The following GPD1L variants were observed in gnomAD, a reference collection of about 807,000 sequenced individuals.
The protein encoded by GPD1L is glycerol-3-phosphate dehydrogenase 1-like protein.
GPD1L carries 17 observed loss-of-function variants against 32.9 expected under a neutral mutation model. The ratio of observed to expected loss-of-function variants is 0.52; its 90% confidence interval spans 0.35 to 0.78. The LOEUF is 0.78. Among genes scored for constraint, GPD1L ranks in the 30% least tolerant of loss-of-function variants. The pLI is 0.01. For missense variants in GPD1L, 361 were observed against 447.8 expected (o/e 0.81, Z 1.75); for synonymous variants, 187 against 165.9 (o/e 1.13, Z -0.98).
At chr3:32,129,187 A>G (rs1344834678) in intron 2 of GPD1L, among the ~76,000 whole-genome samples, 1 of 152,126 alleles carries the variant, frequency 6.6e-6, no homozygotes, top group Non-Finnish European at 1.5e-5. Context: ...TCTGATTCCT[A>G]TGGTTAACCC....
chr3:32,148,998 G>A (rs752773792), intron 5 of GPD1L, among the ~76,000 whole-genome samples: 5 of 152,180 alleles, frequency 3.3e-5, no homozygotes, highest in Non-Finnish European at 5.9e-5. Context: ...GTACCTATGT[G>A]TATGGGTCCT....
At chr3:32,137,677 T>A (rs779848742) in intron 2 of GPD1L, among the ~76,000 whole-genome samples, 10 of 152,200 alleles carry the variant, frequency 6.6e-5, no homozygotes, top group Non-Finnish European at 1.2e-4. Flanking sequence ...GCAAGAAGCC[T>A]TTGCCAGAGA....
At chr3:32,155,197 G>A (rs959360860) in intron 5 of GPD1L, among the ~76,000 whole-genome samples, 1 of 152,146 alleles carries the variant, frequency 6.6e-6, no homozygotes, top group African/African-American at 2.4e-5. Flanking sequence ...GGGCTGCAAA[G>A]CCAGGCACCA....
chr3:32,158,773 A>T, intron 5 of GPD1L, 103 bp from the exon 6 acceptor site: 1 of 1,546,154 alleles, frequency 6.5e-7, no homozygotes, highest in Non-Finnish European at 8.7e-7. Flanking sequence ...GATGGAGCCA[A>T]TGTCCCTGGT....
intron 4 of GPD1L, among the ~76,000 whole-genome samples, chr3:32,144,429 C>T (rs573841327): frequency 6.6e-6 from 1 of 152,328 alleles, no homozygotes; most frequent in African/African-American, 2.4e-5. Flanking sequence ...GTCTAGAATA[C>T]ATAAGCTCCT....
At chr3:32,162,612 C>T (rs1316704995) in intron 7 of GPD1L, among the ~76,000 whole-genome samples, 1 of 57,972 alleles carries the variant, frequency 1.7e-5, no homozygotes. Flanking sequence ...GTCTCGATCT[C>T]CTGACCTCAT....
intron 1 of GPD1L, among the ~76,000 whole-genome samples, chr3:32,108,027 G>A (rs1700189452): frequency 6.6e-6 from 1 of 152,134 alleles, no homozygotes; most frequent in Non-Finnish European, 1.5e-5. Flanking sequence ...GGGATTACAG[G>A]TGTGAGCCAC....
Position 32,166,251 on chromosome 3 carries a change from G to T in GPD1L, c.*341G>T. The T allele has an allele frequency of 8.8e-6, 3 of 342,270 alleles. No individual in the cohort carries two copies. Among genetic ancestry groups the T allele is most frequent in the Non-Finnish European group, 1.1e-5 (2 of 180,618 alleles). The allele number at this position is 342,270 out of a possible 1,614,324, so 21.2% of individuals were successfully genotyped here. A position where few individuals can be genotyped will look rare whatever the true frequency, so the allele number is the denominator to read the frequency against. ...GGAACGATCTCAGCCAAATATTTTA[G>T]GTGTAATTCATATGTATTTGAGTGG... On this transcript the variant is annotated 3_prime_UTR_variant, in exon 8 of 8. Transcript: ENST00000282541.
intron 4 of GPD1L, among the ~76,000 whole-genome samples, chr3:32,145,414 G>T (rs1054131206): frequency 2.0e-5 from 3 of 152,166 alleles, no homozygotes; most frequent in African/African-American, 7.2e-5. Context: ...TATAAATCAA[G>T]CCCACCTCTT....
intron 5 of GPD1L, 138 bp downstream of exon 5, chr3:32,146,872 T>G: frequency 1.4e-6 from 1 of 714,320 alleles, no homozygotes; most frequent in South Asian, 1.5e-5. Flanking sequence ...TGTTTATAAC[T>G]TCCTGTTTTG....
intron 5 of GPD1L, among the ~76,000 whole-genome samples, chr3:32,157,267 A>G (rs368155019): frequency 6.8e-6 from 1 of 148,066 alleles, no homozygotes; most frequent in Middle Eastern, 3.4e-3. Flanking sequence ...TTTTTTTGAG[A>G]CAGAGTCTCG....
At chr3:32,118,333 G>A (rs1009119062) in intron 1 of GPD1L, among the ~76,000 whole-genome samples, 1 of 152,206 alleles carries the variant, frequency 6.6e-6, no homozygotes, top group African/African-American at 2.4e-5. Context: ...TGCAACAAAT[G>A]TTTGTTGTGC....
At chr3:32,141,477 CAG>C (rs1489099492) in intron 4 of GPD1L, among the ~76,000 whole-genome samples, 3 of 152,150 alleles carry the variant, frequency 2.0e-5, no homozygotes, top group Non-Finnish European at 4.4e-5. Context: ...AAAAACCTTT[CAG>C]AGTCTGTTAA....
chr3:32,125,366 G>C (rs1441869693), intron 1 of GPD1L, among the ~76,000 whole-genome samples: 3 of 152,234 alleles, frequency 2.0e-5, no homozygotes, highest in Non-Finnish European at 1.5e-5. Flanking sequence ...TGGATCAGCT[G>C]GTCAGGCTCA....
Position 32,127,510 on chromosome 3 carries a change from A to G in GPD1L, c.48-566A>G, listed in dbSNP as rs148272907. ...GCCTGTGGGAGACTGAGCCGTCACTAGAACATGTTTGCTAAATAGAGATGC... is the reference window on the plus strand; with the variant it reads ...GCCTGTGGGAGACTGAGCCGTCACTGGAACATGTTTGCTAAATAGAGATGC... On this transcript the variant is annotated intron_variant, in intron 1 of 7. Coordinates refer to ENST00000282541, the MANE Select transcript of GPD1L (RefSeq NM_015141.4). Among the ~76,000 whole-genome samples the G allele has an allele frequency of 5.3e-5, 8 of 152,344 alleles. No homozygotes were observed. In the East Asian group the frequency reaches 1.3e-3, roughly 26 times the overall value.
intron 1 of GPD1L, among the ~76,000 whole-genome samples, chr3:32,114,749 G>T (rs1369639442): frequency 6.6e-6 from 1 of 152,156 alleles, no homozygotes; most frequent in African/African-American, 2.4e-5. Context: ...TTCAGAGTTT[G>T]TTCCTTCAGA....
At chr3:32,154,778 C>T (rs1700964600) in intron 5 of GPD1L, among the ~76,000 whole-genome samples, 4 of 151,068 alleles carry the variant, frequency 2.6e-5, no homozygotes, top group Admixed American at 2.6e-4. Context: ...GAGACAGGCT[C>T]ACTCTGTCAC....
chr3:32,113,851 C>T (rs9854295), intron 1 of GPD1L, among the ~76,000 whole-genome samples: 62,703 of 151,912 alleles, frequency 0.41, 14,696 homozygotes, highest in East Asian at 0.64. Flanking sequence ...CACTCTCACC[C>T]ACCTTTTTTT....
At chr3:32,161,085 G>A (rs1260569786) in intron 7 of GPD1L, among the ~76,000 whole-genome samples, 2 of 152,042 alleles carry the variant, frequency 1.3e-5, no homozygotes, top group African/African-American at 4.8e-5. Context: ...TATTATCTCT[G>A]GTTGCAGCTC....
Sources: allele counts gnomAD v4.1 joint callset (sites outside exome capture counted in the v4.1 genomes callset), GRCh38; gene constraint gnomAD v4.1.1; transcripts MANE v1.5; gene names NCBI Gene and HGNC (gene_info 2026-07-23, HGNC 2026-07-21).